The following PIBF1 variants were observed in gnomAD, a reference collection of about 807,000 sequenced individuals.
The protein encoded by PIBF1 is progesterone-induced-blocking factor 1.
PIBF1 carries 90 observed loss-of-function variants against 112.5 expected under a neutral mutation model. The ratio of observed to expected loss-of-function variants is 0.80; its 90% CI spans 0.67 to 0.95. The LOEUF (loss-of-function observed/expected upper bound fraction) is 0.95. Ranked by LOEUF, PIBF1 falls within the 40% of genes least tolerant of loss-of-function variation. The probability of loss-of-function intolerance (pLI) is 0.00; values close to 1 mark genes in which losing one functional copy is unlikely to be tolerated. For missense variants in PIBF1, 915 were observed against 852.3 expected, an observed-to-expected ratio of 1.07 and a Z score of -0.92; for synonymous variants, 301 against 288.6, an observed-to-expected ratio of 1.04 and a Z score of -0.44.
intron 16 of PIBF1, among the ~76,000 whole-genome samples, chr13:72,974,800 C>A (rs1490769087): frequency 6.6e-6 from 1 of 152,176 alleles, no homozygotes; most frequent in Non-Finnish European, 1.5e-5. Context: ...GTTTCCATTT[C>A]TCTTGGGTAA....
intron 10 of PIBF1, among the ~76,000 whole-genome samples, chr13:72,865,439 A>G (rs995583114): frequency 7.9e-5 from 12 of 152,208 alleles, no homozygotes; most frequent in Non-Finnish European, 1.8e-4. Context: ...TAAGTATTTA[A>G]TAATTACCTT....
intron 14 of PIBF1, among the ~76,000 whole-genome samples, chr13:72,961,713 T>C (rs2042612460): frequency 6.6e-6 from 1 of 152,192 alleles, no homozygotes; most frequent in African/African-American, 2.4e-5. Flanking sequence ...TATCCAACTA[T>C]AGAGTACCTT....
chr13:72,915,279 A>G (rs1352711181), intron 12 of PIBF1, among the ~76,000 whole-genome samples: 4 of 152,084 alleles, frequency 2.6e-5, no homozygotes, highest in African/African-American at 9.7e-5. Context: ...GTCTCCCCAT[A>G]TCTACCCTAT....
intron 5 of PIBF1, 113 bp downstream of exon 5, chr13:72,798,139 A>T: frequency 4.7e-6 from 5 of 1,065,680 alleles, no homozygotes; most frequent in Non-Finnish European, 6.6e-6. Context: ...GGACTATGGG[A>T]TGGTGACTGC....
rs1193427089 is a variant in PIBF1 at position 72,783,609 on chromosome 13, C to G, written c.140C>G (p.Thr47Ser). ...GAGCGAGAGGGCAAAGTCAGAATCA[C>G]CAGGCAGCTAATTGAACGAAAAGAA... The part of the protein sequence containing the change: ...SEEREGKVRI[T>S]RQLIERKELL... The change falls in exon 2 of 18, where the codon ACC becomes AGC. Residue 47 changes from threonine (T) to serine (S), a missense_variant. By Grantham distance (58) the Thr-to-Ser change is moderately conservative (BLOSUM62 1). Coordinates refer to ENST00000326291, the MANE Select transcript of PIBF1 (RefSeq NM_006346.4). 6.2e-7 allele frequency: 1 copy of G among 1,614,026 alleles called. No homozygotes were observed. Among genetic ancestry groups the G allele is most frequent in the East Asian group, 2.2e-5 (1 of 44,862 alleles).
intron 14 of PIBF1, among the ~76,000 whole-genome samples, chr13:72,953,001 A>C (rs1246222536): frequency 6.6e-6 from 1 of 152,122 alleles, no homozygotes. Context: ...AGGTGGATAA[A>C]TGCCATACTT....
chr13:72,899,849 G>T (rs893550835), intron 11 of PIBF1, among the ~76,000 whole-genome samples: 4 of 152,114 alleles, frequency 2.6e-5, no homozygotes, highest in African/African-American at 9.7e-5. Context: ...CGTTTACCTT[G>T]AAAACCCTAA....
chr13:72,925,149 A>G (rs1339602797), intron 13 of PIBF1, among the ~76,000 whole-genome samples: 1 of 152,250 alleles, frequency 6.6e-6, no homozygotes, highest in African/African-American at 2.4e-5. Context: ...TGAAGGTCAG[A>G]TTTGAAAGTG....
intron 13 of PIBF1, among the ~76,000 whole-genome samples, chr13:72,925,536 C>T (rs2138732779): frequency 2.2e-5 from 3 of 135,222 alleles, no homozygotes. Context: ...TTTTTTCTTT[C>T]TCTCTCTTTT....
Position 72,908,683 on chromosome 13 carries a change from T to G in PIBF1, c.1639+2T>G. The stretch of plus-strand genomic sequence containing the variant: ...AAATAATAATGCAAACTGCAGAAAG[T>G]AAGTCTTCCCCCACACACACATGCA... On this transcript the variant is annotated splice_donor_variant, in intron 12 of 17. Transcript: ENST00000326291. LOFTEE classifies it high-confidence loss of function. 6.2e-7 allele frequency: 1 copy of G among 1,609,212 alleles called. No homozygotes were observed. The highest frequency in any genetic ancestry group is 8.5e-7 in the Non-Finnish European group (1 of 1,178,108).
At chr13:72,937,019 A>G (rs1320811181) in intron 14 of PIBF1, among the ~76,000 whole-genome samples, 1 of 152,060 alleles carries the variant, frequency 6.6e-6, no homozygotes, top group African/African-American at 2.4e-5. Flanking sequence ...GACATCTTTT[A>G]TTGTCAAACT....
chr13:72,955,884 C>T (rs1049966947), intron 14 of PIBF1, among the ~76,000 whole-genome samples: 2 of 152,282 alleles, frequency 1.3e-5, no homozygotes, highest in East Asian at 1.9e-4. Context: ...TACTTTTCTT[C>T]CTGCCTATCC....
At chr13:72,902,006 A>ATATGTGTGTGTGTGTGTGTGTGTGTG (rs2040507758) in intron 11 of PIBF1, among the ~76,000 whole-genome samples, 1 of 147,826 alleles carries the variant, frequency 6.8e-6, no homozygotes, top group Non-Finnish European at 1.5e-5. Flanking sequence ...GTGTATGTAT[A>ATATGTGTGTGTGTGTGTGTGTGTGTG]TGTGTGTGTG....
At chr13:72,819,500 A>G (rs140268742) in intron 5 of PIBF1, among the ~76,000 whole-genome samples, 5 of 152,098 alleles carry the variant, frequency 3.3e-5, no homozygotes, top group Non-Finnish European at 7.4e-5. Context: ...TAGCTACTAT[A>G]CTTTCTCCAC....
intron 16 of PIBF1, among the ~76,000 whole-genome samples, chr13:72,975,251 C>T (rs1188846276): frequency 2.0e-5 from 3 of 151,876 alleles, no homozygotes; most frequent in South Asian, 2.1e-4. Flanking sequence ...GACTGGGTTT[C>T]GGCATGGTTG....
In PIBF1 at chr13:72,821,763, A is replaced by G. The variant is rs1252997129; in HGVS notation, c.673-86A>G. The G allele has an allele frequency of 5.3e-6, 5 of 940,112 alleles. No individual in the cohort carries two copies. The African/African-American group carries it at 8.5e-5, about 16-fold the overall frequency. The allele number at this position is 940,112 out of a possible 1,614,324, so 58.2% of individuals were successfully genotyped here. On this transcript the variant is annotated intron_variant, in intron 5 of 17. Transcript: ENST00000326291. ...ACTGTTTAATTACAAGGACAATCAC[A>G]GCTTAACAGAAGACTTCAATACAGA...
In PIBF1 at chr13:72,896,017, C is replaced by G. The variant is rs576252458; in HGVS notation, c.1488+2068C>G. On this transcript the variant is annotated intron_variant, in intron 11 of 17. Transcript: ENST00000326291. ...TGACTGTTGGCTTTCCCCCATTTCC[C>G]TGACAACCTGCATGACTCAGCAGAG... Among the ~76,000 whole-genome samples, 7 of 152,264 alleles carry G rather than the reference C, an allele frequency of 4.6e-5. No homozygotes were observed. In the South Asian group the frequency reaches 1.2e-3, roughly 27 times the overall value.
intron 14 of PIBF1, among the ~76,000 whole-genome samples, chr13:72,931,623 G>A (rs929105436): frequency 6.6e-6 from 1 of 150,672 alleles, no homozygotes; most frequent in Non-Finnish European, 1.5e-5. Context: ...TGTGTTTAAT[G>A]AGAAATCACT....
chr13:72,883,462 T>G (rs1320002871), intron 10 of PIBF1, among the ~76,000 whole-genome samples: 1 of 152,172 alleles, frequency 6.6e-6, no homozygotes, highest in Non-Finnish European at 1.5e-5. Flanking sequence ...TACATTTTTT[T>G]TAGACAGAGT....
Sources: gnomAD v4.1 joint callset for allele counts (sites outside exome capture counted in the v4.1 genomes callset) on GRCh38, gnomAD v4.1.1 for gene constraint, MANE v1.5 for transcripts, NCBI Gene and HGNC (gene_info 2026-07-23, HGNC 2026-07-21) for gene names.